PIK3C3: variants seen among roughly 807,000 people sequenced by gnomAD.
PIK3C3 encodes the protein PI3-kinase type 3.
A neutral mutation model predicts 126.1 loss-of-function variants in PIK3C3; 95 were observed. The ratio of observed to expected loss-of-function variants is 0.75; its 90% CI spans 0.64 to 0.89. The LOEUF is 0.89. Among genes scored for constraint, PIK3C3 ranks in the 40% least tolerant of loss-of-function variants. The pLI is 0.00. For missense variants in PIK3C3, 829 were observed against 1,063.2 expected (o/e 0.78, Z 3.06); for synonymous variants, 374 against 360.0 (o/e 1.04, Z -0.44).
intron 21 of PIK3C3, among the ~76,000 whole-genome samples, chr18:42,057,352 G>T (rs183462964): frequency 3.5e-4 from 53 of 152,214 alleles, no homozygotes; most frequent in African/African-American, 1.2e-3. Flanking sequence ...CAGGATTAAA[G>T]TGATAGGTGA....
chr18:42,056,155 AC>A (rs201437740), intron 21 of PIK3C3, among the ~76,000 whole-genome samples: 2,324 of 152,224 alleles, frequency 0.015, 66 homozygotes, highest in African/African-American at 0.052. Context: ...TTTAAAAAAA[AC>A]ATTCCCTTCA....
At chr18:41,962,184 A>G (rs1055313825) in intron 2 of PIK3C3, among the ~76,000 whole-genome samples, 6 of 152,134 alleles carry the variant, frequency 3.9e-5, no homozygotes, top group African/African-American at 1.4e-4. Flanking sequence ...AAAAAGTTCT[A>G]ACAGGTTGAA....
At chr18:42,059,346 A>T (rs1985213718) in intron 22 of PIK3C3, among the ~76,000 whole-genome samples, 3 of 152,106 alleles carry the variant, frequency 2.0e-5, no homozygotes, top group African/African-American at 7.2e-5. Context: ...TGCTCTTTAG[A>T]TTTGTTTGGT....
At chr18:42,047,402 C>T (rs1984605798) in intron 20 of PIK3C3, among the ~76,000 whole-genome samples, 2 of 152,090 alleles carry the variant, frequency 1.3e-5, no homozygotes. Flanking sequence ...GGGTATTGTA[C>T]TTAGTTTCTC....
At chr18:42,065,952 T>C (rs931668402) in intron 23 of PIK3C3, among the ~76,000 whole-genome samples, 1 of 152,208 alleles carries the variant, frequency 6.6e-6, no homozygotes, top group Non-Finnish European at 1.5e-5. Context: ...ATTCAGGCAC[T>C]TATGTAAGTA....
At chr18:41,980,918 A>G (rs1372529208) in intron 4 of PIK3C3, among the ~76,000 whole-genome samples, 6 of 152,306 alleles carry the variant, frequency 3.9e-5, no homozygotes, top group South Asian at 2.1e-4. Context: ...GAAGAGTCTT[A>G]TATTTTTTTC....
chr18:41,959,407 C>T (rs1040617214), intron 2 of PIK3C3, among the ~76,000 whole-genome samples: 7 of 151,998 alleles, frequency 4.6e-5, no homozygotes, highest in African/African-American at 1.2e-4. Flanking sequence ...GAATTTTTAA[C>T]GTTTGTAGTT....
rs1980141230 is a variant in PIK3C3 at position 41,962,484 on chromosome 18, C to T, written c.258-5C>T. The T allele has an allele frequency of 1.9e-6, 3 of 1,597,920 alleles. No individual in the cohort carries two copies. The highest frequency in any genetic ancestry group is 2.6e-6 in the Non-Finnish European group (3 of 1,171,382). ...TTCTGATTTATGTTAACTTCATTTC[C>T]ATAGCTGGAATGAATGGCTGAAACT... On this transcript the variant is annotated splice_polypyrimidine_tract_variant and splice_region_variant and intron_variant, in intron 2 of 24. Transcript: ENST00000262039.
At chr18:41,997,237 A>T (rs1598880660) in intron 9 of PIK3C3, among the ~76,000 whole-genome samples, 1 of 152,106 alleles carries the variant, frequency 6.6e-6, no homozygotes, top group African/African-American at 2.4e-5. Flanking sequence ...ATGTGGCTGG[A>T]GAGAGAGTAT....
At chr18:42,019,416 T>C (rs1983221720) in intron 12 of PIK3C3, among the ~76,000 whole-genome samples, 1 of 152,188 alleles carries the variant, frequency 6.6e-6, no homozygotes, top group Non-Finnish European at 1.5e-5. Flanking sequence ...CCCAATTTGC[T>C]AAGTTACAAA....
At chr18:42,028,408 G>A (rs958871426) in intron 14 of PIK3C3, among the ~76,000 whole-genome samples, 2 of 152,164 alleles carry the variant, frequency 1.3e-5, no homozygotes, top group Non-Finnish European at 2.9e-5. Flanking sequence ...TTAAAGCAGT[G>A]TCACAGTTTA....
intron 9 of PIK3C3, among the ~76,000 whole-genome samples, chr18:42,000,317 G>T (rs141931708): frequency 2.0e-5 from 3 of 152,166 alleles, no homozygotes; most frequent in Non-Finnish European, 2.9e-5. Context: ...CTCCCAAAGC[G>T]CTGGGATTAC....
intron 7 of PIK3C3, 142 bp from the exon 8 acceptor site, chr18:41,995,748 A>G: frequency 1.6e-6 from 1 of 633,856 alleles, no homozygotes; most frequent in Non-Finnish European, 2.8e-6. Flanking sequence ...TTTTTAAGAT[A>G]TGTAGAAGAC....
rs572670931 is a variant in PIK3C3, at chr18:42,000,944, T to C, written c.985-3412T>C. On this transcript the variant is annotated intron_variant, in intron 9 of 24. Transcript: ENST00000262039. ...GCCACACCATATCAGTAAGGATATATCGCAAGTGGGAAGAAACGAATGAGA... is the reference window on the plus strand; with the variant it reads ...GCCACACCATATCAGTAAGGATATACCGCAAGTGGGAAGAAACGAATGAGA... 1.9e-3 allele frequency among the ~76,000 whole-genome samples: 292 copies of C among 152,274 alleles called. 1 individual carries two copies. Among genetic ancestry groups the C allele is most frequent in the African/African-American group, 6.4e-3 (268 of 41,554 alleles).
intron 16 of PIK3C3, among the ~76,000 whole-genome samples, chr18:42,034,642 ACAGCTGATG>A (rs368539575): frequency 9.6e-4 from 146 of 152,324 alleles, no homozygotes; most frequent in African/African-American, 3.4e-3. Flanking sequence ...TCAGGTAGAA[ACAGCTGATG>A]CAGCAGCCTT....
chr18:41,964,144 G>C (rs1980237775), intron 3 of PIK3C3, among the ~76,000 whole-genome samples: 2 of 152,104 alleles, frequency 1.3e-5, no homozygotes, highest in African/African-American at 4.8e-5. Flanking sequence ...TTGTGAAAGA[G>C]TGGTATAGTG....
chr18:42,055,186 C>T (rs780761793), intron 21 of PIK3C3, among the ~76,000 whole-genome samples: 1 of 151,902 alleles, frequency 6.6e-6, no homozygotes, highest in Non-Finnish European at 1.5e-5. Context: ...CTGTTAGTTC[C>T]CTTGAAAGCT....
At chr18:42,052,702 A>T (rs1420232926) in intron 21 of PIK3C3, 3 of 152,160 alleles carry the variant, frequency 2.0e-5, no homozygotes, top group African/African-American at 7.2e-5. Flanking sequence ...ATATGTTATA[A>T]ATAGACTTTG....
chr18:41,968,313 A>C (rs16975459), intron 3 of PIK3C3, among the ~76,000 whole-genome samples: 24,994 of 152,170 alleles, frequency 0.16, 2,235 homozygotes, highest in East Asian at 0.29. Flanking sequence ...ATCTCACTGT[A>C]CGTAGTTCCT....
Sources: allele counts gnomAD v4.1 joint callset (sites outside exome capture counted in the v4.1 genomes callset), GRCh38; gene constraint gnomAD v4.1.1; transcripts MANE v1.5; gene names NCBI Gene and HGNC (gene_info 2026-07-23, HGNC 2026-07-21).